The following CLSTN2 variants were observed in gnomAD, a reference collection of about 807,000 sequenced individuals.
CLSTN2 encodes calsyntenin-2.
A neutral mutation model predicts 101.2 loss-of-function variants in CLSTN2; 48 were observed. That is an observed-to-expected ratio of 0.47 (90% CI 0.38 to 0.60). CLSTN2 has a LOEUF of 0.60. CLSTN2 is among the 20% of genes least tolerant of loss of function. CLSTN2 has a pLI of 0.00. For missense variants in CLSTN2, 1,160 were observed against 1,238.2 expected, an observed-to-expected ratio of 0.94 and a Z score of 0.95; for synonymous variants, 481 against 463.6, an observed-to-expected ratio of 1.04 and a Z score of -0.48.
chr3:140,329,293 G>T (rs1253440086), intron 2 of CLSTN2, among the ~76,000 whole-genome samples: 1 of 152,238 alleles, frequency 6.6e-6, no homozygotes, highest in Non-Finnish European at 1.5e-5. Context: ...GGAAGGTGAG[G>T]CAGGAGAATC....
chr3:140,390,738 C>A (rs1173948897), intron 2 of CLSTN2, among the ~76,000 whole-genome samples: 1 of 152,160 alleles, frequency 6.6e-6, no homozygotes, highest in Non-Finnish European at 1.5e-5. Flanking sequence ...TTTGAACATA[C>A]CAATGAGAAC....
At chr3:140,020,324 A>G (rs896301504) in intron 1 of CLSTN2, among the ~76,000 whole-genome samples, 1 of 152,164 alleles carries the variant, frequency 6.6e-6, no homozygotes, top group Non-Finnish European at 1.5e-5. Flanking sequence ...CTTGTGCAAG[A>G]GGGATGGAGA....
intron 2 of CLSTN2, among the ~76,000 whole-genome samples, chr3:140,311,180 G>A (rs551477872): frequency 3.2e-4 from 48 of 151,324 alleles, no homozygotes; most frequent in African/African-American, 1.1e-3. Context: ...GATTTGCATT[G>A]CCCAGGATTG....
chr3:140,112,361 G>A (rs1379941269), intron 1 of CLSTN2, among the ~76,000 whole-genome samples: 2 of 130,900 alleles, frequency 1.5e-5, no homozygotes, highest in Non-Finnish European at 3.1e-5. Flanking sequence ...GTGTGTGTGT[G>A]TGTGTGTGTT....
chr3:140,334,894 C>T (rs2087425132), intron 2 of CLSTN2, among the ~76,000 whole-genome samples: 1 of 152,180 alleles, frequency 6.6e-6, no homozygotes, highest in South Asian at 2.1e-4. Context: ...CTTATATTTA[C>T]CCCCAGAACC....
intron 2 of CLSTN2, among the ~76,000 whole-genome samples, chr3:140,323,518 A>C (rs1189854106): frequency 6.6e-6 from 1 of 152,218 alleles, no homozygotes; most frequent in Non-Finnish European, 1.5e-5. Flanking sequence ...TCACTTCTGT[A>C]ATCCGCAAGG....
intron 1 of CLSTN2, among the ~76,000 whole-genome samples, chr3:140,113,680 C>T (rs1455200484): frequency 6.6e-6 from 1 of 152,170 alleles, no homozygotes; most frequent in Non-Finnish European, 1.5e-5. Flanking sequence ...TTCATATTAA[C>T]CCTCCAAGTT....
intron 9 of CLSTN2, among the ~76,000 whole-genome samples, chr3:140,532,808 A>C (rs773412600): frequency 3.9e-5 from 6 of 152,164 alleles, no homozygotes; most frequent in Non-Finnish European, 7.3e-5. Context: ...AACAGTATAG[A>C]ATCTTGTGTT....
At chr3:140,155,214 G>A (rs1427369874) in intron 1 of CLSTN2, among the ~76,000 whole-genome samples, 1 of 152,212 alleles carries the variant, frequency 6.6e-6, no homozygotes, top group Non-Finnish European at 1.5e-5. Context: ...TTCTTGCAGA[G>A]GCTAAGGTAG....
intron 1 of CLSTN2, among the ~76,000 whole-genome samples, chr3:140,174,250 G>A (rs2010286822): frequency 1.3e-5 from 2 of 152,088 alleles, no homozygotes; most frequent in Admixed American, 6.6e-5. Flanking sequence ...GCCAGTCTCT[G>A]CTAAAATATA....
intron 1 of CLSTN2, among the ~76,000 whole-genome samples, chr3:140,164,262 T>C (rs1302578190): frequency 6.6e-6 from 1 of 152,124 alleles, no homozygotes; most frequent in African/African-American, 2.4e-5. Context: ...TTCCAGCCCT[T>C]GGGAGTTAAG....
chr3:140,515,143 T>C (rs1934892286), intron 8 of CLSTN2, among the ~76,000 whole-genome samples: 1 of 152,192 alleles, frequency 6.6e-6, no homozygotes, highest in African/African-American at 2.4e-5. Flanking sequence ...CTCCTCTAGG[T>C]TTCCTAGTTT....
intron 6 of CLSTN2, among the ~76,000 whole-genome samples, chr3:140,451,910 A>G (rs1933260785): frequency 6.6e-6 from 1 of 152,206 alleles, no homozygotes; most frequent in African/African-American, 2.4e-5. Flanking sequence ...AGGGAGACCA[A>G]TGAGGATATT....
At chr3:140,184,151 G>A (rs1054572215) in intron 2 of CLSTN2, among the ~76,000 whole-genome samples, 10 of 152,166 alleles carry the variant, frequency 6.6e-5, no homozygotes, top group South Asian at 2.1e-4. Context: ...ACTGTTCTCC[G>A]TGTGTTCTTC....
At chr3:139,998,336 C>CTTTTTTTTTTTTTT (rs60541490) in intron 1 of CLSTN2, among the ~76,000 whole-genome samples, 2,833 of 66,750 alleles carry the variant, frequency 0.042, 547 homozygotes, top group African/African-American at 0.069. Flanking sequence ...CCCCACATGC[C>CTTTTTTTTTTTTTT]TTTTTTTTTT....
chr3:140,299,814 T>A (rs1279860689), intron 2 of CLSTN2, among the ~76,000 whole-genome samples: 2 of 152,250 alleles, frequency 1.3e-5, no homozygotes, highest in African/African-American at 4.8e-5. Context: ...TTCTTTCTAA[T>A]TTAGTTTGCA....
intron 2 of CLSTN2, among the ~76,000 whole-genome samples, chr3:140,382,772 T>A (rs1230855333): frequency 6.6e-6 from 1 of 152,210 alleles, no homozygotes; most frequent in African/African-American, 2.4e-5. Context: ...TACGGACTGC[T>A]GGCTTCTTAC....
In CLSTN2 at chr3:140,303,800, C is replaced by G. The variant is rs1016052132; in HGVS notation, c.233-99829C>G. Among the ~76,000 whole-genome samples, 5 of 151,934 alleles carry G rather than the reference C, an allele frequency of 3.3e-5. No individual in the cohort carries two copies. The South Asian group carries it at 1.0e-3, about 32-fold the overall frequency. ...GTATCCTAAGAGGCATCAACTTGCT[C>G]TGGCCAGATGCATGAGGAGACCAGC... is the stretch of plus-strand genomic sequence containing the variant. On this transcript the variant is annotated intron_variant, in intron 2 of 16. Transcript: ENST00000458420.
chr3:140,459,674 C>A lies in CLSTN2; in HGVS notation c.1127C>A (p.Thr376Asn), dbSNP rs752845076. 2 of 1,614,146 alleles carry A rather than the reference C, an allele frequency of 1.2e-6. No individual in the cohort carries two copies. Among genetic ancestry groups the A allele is most frequent in the Non-Finnish European group, 1.7e-6 (2 of 1,180,018 alleles). ...VPDGIVPKNLTDQFTITMWMK... is the reference protein window; with the variant it reads ...VPDGIVPKNLNDQFTITMWMK... ...GATGGGATTGTGCCCAAGAACCTGA[C>A]CGATCAGTTCACCATCACCATGTGG... Residue 376 changes from threonine to asparagine, a missense_variant, in exon 7 of 17, where the codon ACC becomes AAC. Thr to Asn is a moderately conservative substitution (Grantham distance 65). Transcript: ENST00000458420.
Sources: allele counts gnomAD v4.1 joint callset (sites outside exome capture counted in the v4.1 genomes callset), GRCh38; gene constraint gnomAD v4.1.1; transcripts MANE v1.5; gene names NCBI Gene and HGNC (gene_info 2026-07-23, HGNC 2026-07-21).